Variants in ARID4B observed in about 807,000 individuals in gnomAD.
ARID4B encodes AT-rich interactive domain-containing protein 4B.
ARID4B carries 26 observed loss-of-function variants against 147.5 expected under a neutral mutation model. The ratio of observed to expected loss-of-function variants is 0.18; its 90% confidence interval spans 0.13 to 0.24. ARID4B has a LOEUF of 0.24. Among genes scored for constraint, ARID4B ranks in the 10% least tolerant of loss-of-function variants. ARID4B has a pLI of 1.00. For synonymous variants in ARID4B, 512 were observed against 507.9 expected, an observed-to-expected ratio of 1.01 and a Z score of -0.11; for missense variants, 1,179 against 1,511.5, an observed-to-expected ratio of 0.78 and a Z score of 3.65.
chr1:235,231,421 A>C (rs980692168), intron 9 of ARID4B, among the ~76,000 whole-genome samples: 2 of 152,228 alleles, frequency 1.3e-5, no homozygotes, highest in African/African-American at 4.8e-5. Context: ...CTATTTTATA[A>C]ACACCAACGT....
chr1:235,217,068 CCAGG>C, intron 16 of ARID4B, among the ~76,000 whole-genome samples: 1 of 152,034 alleles, frequency 6.6e-6, no homozygotes, highest in East Asian at 1.9e-4. Context: ...AAGTAGTAGC[CCAGG>C]CAAATTTTCA....
intron 2 of ARID4B, among the ~76,000 whole-genome samples, chr1:235,265,060 CA>C (rs57988002): frequency 0.047 from 5,682 of 119,994 alleles, 388 homozygotes; most frequent in African/African-American, 0.16. Flanking sequence ...AACTTCGTCT[CA>C]AAAAAAAAAA....
chr1:235,303,651 C>A (rs1242536170), intron 2 of ARID4B, among the ~76,000 whole-genome samples: 4 of 152,080 alleles, frequency 2.6e-5, no homozygotes, highest in South Asian at 2.1e-4. Flanking sequence ...ATCACTTGAG[C>A]CCAGGGGTTC....
intron 2 of ARID4B, among the ~76,000 whole-genome samples, chr1:235,309,449 G>C (rs1482230836): frequency 1.3e-5 from 2 of 148,364 alleles, no homozygotes; most frequent in Non-Finnish European, 3.0e-5. Context: ...CGCCCGGCCA[G>C]CCGCCCCATC....
At chr1:235,183,650 C>T (rs1193205807) in intron 19 of ARID4B, among the ~76,000 whole-genome samples, 1 of 152,222 alleles carries the variant, frequency 6.6e-6, no homozygotes, top group Non-Finnish European at 1.5e-5. Context: ...GATCCTCCCA[C>T]CTCAGATTCC....
intron 4 of ARID4B, 131 bp downstream of exon 4, chr1:235,257,029 T>C (rs971267807): frequency 2.9e-6 from 2 of 686,172 alleles, no homozygotes; most frequent in Non-Finnish European, 5.0e-6. Flanking sequence ...CTATTTTTTC[T>C]ATTAGTCTTT....
At chr1:235,168,794 G>T in intron 23 of ARID4B, 142 bp from the exon 24 acceptor site, 1 of 856,812 alleles carries the variant, frequency 1.2e-6, no homozygotes, top group Non-Finnish European at 1.8e-6. Context: ...AATTCTCACA[G>T]TTCTACGATG....
rs958401276 is a variant in ARID4B at position 235,234,600 on chromosome 1, A to G, written c.586-108T>C. ...GTGTAAGCTTGAAGTTTAAAAACTA[A>G]TTTTAGTTTGAGGGTAAACAGGCAC... is the stretch of plus-strand genomic sequence containing the variant. On this transcript the variant is annotated intron_variant, in intron 8 of 23. Transcript: ENST00000264183. The G allele has an allele frequency of 6.4e-6, 5 of 784,858 alleles. No homozygotes were observed. The African/African-American group carries it at 9.1e-5, about 14-fold the overall frequency. 48.6% of individuals were successfully genotyped at this position (784,858 alleles called of 1,614,324 possible).
intron 2 of ARID4B, among the ~76,000 whole-genome samples, chr1:235,308,969 C>G (rs1371801571): frequency 4.6e-5 from 7 of 151,438 alleles, no homozygotes; most frequent in African/African-American, 1.7e-4. Flanking sequence ...CTCTGCCTGG[C>G]TGCCCAGTCT....
intron 2 of ARID4B, among the ~76,000 whole-genome samples, chr1:235,271,760 C>G (rs1572125927): frequency 2.6e-5 from 4 of 151,990 alleles, no homozygotes; most frequent in Non-Finnish European, 5.9e-5. Context: ...ACCAGCCTGA[C>G]CAACATAGTG....
At chr1:235,215,136 C>T (rs1237779333) in intron 16 of ARID4B, among the ~76,000 whole-genome samples, 1 of 152,070 alleles carries the variant, frequency 6.6e-6, no homozygotes, top group Admixed American at 6.6e-5. Flanking sequence ...TGAGCCACCA[C>T]ACCTGGCCTT....
intron 16 of ARID4B, among the ~76,000 whole-genome samples, chr1:235,215,547 A>AAG (rs1553293243): frequency 1.5e-5 from 2 of 136,498 alleles, no homozygotes; most frequent in Admixed American, 7.7e-5. Context: ...ACACATATAT[A>AAG]TGTGTGTGTG....
rs553677931 is a variant in ARID4B at position 235,268,392 on chromosome 1, A to G, written c.7-7640T>C. On this transcript the variant is annotated intron_variant, in intron 2 of 23. Transcript: ENST00000264183. ...ACATACACACACACACACACACAGAAAAATAAACAAGTACTTCTAGGTGTG... is the reference window on the plus strand; with the variant it reads ...ACATACACACACACACACACACAGAGAAATAAACAAGTACTTCTAGGTGTG... Among the ~76,000 whole-genome samples, 77 of 149,850 alleles carry G rather than the reference A, an allele frequency of 5.1e-4. 1 individual carries two copies. The highest frequency in any genetic ancestry group is 2.6e-3 in the Admixed American group (40 of 15,150).
Position 235,326,936 on chromosome 1 carries a change from A to G in ARID4B, c.-17T>C, listed in dbSNP as rs764874176. 2.5e-6 allele frequency: 4 copies of G among 1,613,734 alleles called. No individual in the cohort carries two copies. The highest frequency in any genetic ancestry group is 3.4e-6 in the Non-Finnish European group (4 of 1,179,786). ...TACCTTCATGATGACTCTGGGACCA[A>G]GGTATCCTCTAAAACACCAGGTTCA... On this transcript the variant is annotated 5_prime_UTR_variant, in exon 2 of 24. Coordinates refer to ENST00000264183, the MANE Select transcript of ARID4B (RefSeq NM_016374.6).
At chr1:235,277,246 T>C (rs980008900) in intron 2 of ARID4B, among the ~76,000 whole-genome samples, 6 of 151,758 alleles carry the variant, frequency 4.0e-5, no homozygotes, top group African/African-American at 1.5e-4. Flanking sequence ...ACTCTCTCTC[T>C]AAAATTTAAA....
intron 2 of ARID4B, chr1:235,296,035 C>A: frequency 6.3e-6 from 1 of 158,224 alleles, no homozygotes; most frequent in South Asian, 1.9e-4. Context: ...TGCTGCTGTT[C>A]TGGAGGCAGC....
chr1:235,305,455 T>C (rs935767646), intron 2 of ARID4B, among the ~76,000 whole-genome samples: 1 of 152,110 alleles, frequency 6.6e-6, no homozygotes, highest in Non-Finnish European at 1.5e-5. Context: ...AAACTAGATA[T>C]CCAAGTAAAG....
intron 6 of ARID4B, among the ~76,000 whole-genome samples, chr1:235,252,069 A>C (rs1572081234): frequency 6.6e-6 from 1 of 152,232 alleles, no homozygotes; most frequent in Non-Finnish European, 1.5e-5. Flanking sequence ...TGGCAATTAT[A>C]AGCACCTCAT....
chr1:235,307,723 C>T lies in ARID4B; in HGVS notation c.6+19191G>A, dbSNP rs373298778. Among the ~76,000 whole-genome samples the T allele has an allele frequency of 9.8e-5, 15 of 152,326 alleles. No individual in the cohort carries two copies. The South Asian group carries it at 1.2e-3, about 13-fold the overall frequency. On this transcript the variant is annotated intron_variant, in intron 2 of 23. Coordinates refer to ENST00000264183, the MANE Select transcript of ARID4B (RefSeq NM_016374.6). The stretch of plus-strand genomic sequence containing the variant: ...GGCTATATGGGCCACAGTGTTTCAA[C>T]GCAAAATTACTTGTGGCAATATAAC...
Sources: allele counts gnomAD v4.1 joint callset (sites outside exome capture counted in the v4.1 genomes callset), GRCh38; gene constraint gnomAD v4.1.1; transcripts MANE v1.5; gene names NCBI Gene and HGNC (gene_info 2026-07-23, HGNC 2026-07-21).